The following CD5 variants were observed in gnomAD, a reference collection of about 807,000 sequenced individuals.
The protein encoded by CD5 is CD5 molecule.
CD5 carries 36 observed loss-of-function variants against 60.3 expected under a neutral mutation model. The ratio of observed to expected loss-of-function variants is 0.60; its 90% CI spans 0.46 to 0.79. The LOEUF (loss-of-function observed/expected upper bound fraction) is 0.79. CD5 is among the 30% of genes least tolerant of loss of function. The probability of loss-of-function intolerance (pLI) is 0.00; values close to 1 mark genes in which losing one functional copy is unlikely to be tolerated. For synonymous variants in CD5, 230 were observed against 257.6 expected (o/e 0.89, Z 1.03); for missense variants, 540 against 630.6 (o/e 0.86, Z 1.54).
intron 1 of CD5, among the ~76,000 whole-genome samples, chr11:61,113,990 A>T (rs1860897913): frequency 6.6e-6 from 1 of 152,034 alleles, no homozygotes; most frequent in South Asian, 2.1e-4. Flanking sequence ...TCATTTCTCC[A>T]TTCTCTAGAA....
chr11:61,102,854 C>T (rs1461644737), intron 1 of CD5, among the ~76,000 whole-genome samples: 1 of 152,194 alleles, frequency 6.6e-6, no homozygotes, highest in African/African-American at 2.4e-5. Flanking sequence ...TGTTGAGAAC[C>T]CTGCTTTACC....
At chr11:61,123,818 C>T in intron 7 of CD5, 66 bp from the exon 8 acceptor site, 1 of 613,792 alleles carries the variant, frequency 1.6e-6, no homozygotes, top group Non-Finnish European at 2.9e-6. Flanking sequence ...CCCATCCCCA[C>T]CCCTGCCTGC....
chr11:61,126,085 G>A (rs1468954948), intron 10 of CD5, among the ~76,000 whole-genome samples: 1 of 152,252 alleles, frequency 6.6e-6, no homozygotes, highest in African/African-American at 2.4e-5. Context: ...CCATTCGGAA[G>A]GCCACACAGG....
intron 1 of CD5, among the ~76,000 whole-genome samples, chr11:61,105,703 A>G (rs1335471199): frequency 6.6e-6 from 1 of 152,114 alleles, no homozygotes; most frequent in Non-Finnish European, 1.5e-5. Context: ...TTCATCTACA[A>G]ATATTATTGA....
chr11:61,123,817 ACCCCTGCCT>A, intron 7 of CD5, 58 bp from the exon 8 acceptor site: 2 of 213,458 alleles, frequency 9.4e-6, no homozygotes, highest in Non-Finnish European at 8.3e-6. Flanking sequence ...CCCCATCCCC[ACCCCTGCCT>A]GCCCCCACCC....
At chr11:61,096,846 G>A in the CD5 span, among the ~76,000 whole-genome samples, 2 of 152,220 alleles carry the variant, frequency 1.3e-5, no homozygotes, top group Non-Finnish European at 2.9e-5. Context: ...TGTACTCATA[G>A]AAGTTAAGCC....
chr11:61,095,234 C>A, the CD5 span, among the ~76,000 whole-genome samples: 3 of 152,006 alleles, frequency 2.0e-5, no homozygotes, highest in Non-Finnish European at 4.4e-5. Context: ...CCAGAGTAGA[C>A]AAAAGAGGAA....
intron 5 of CD5, among the ~76,000 whole-genome samples, chr11:61,120,334 G>A (rs1861039362): frequency 6.6e-6 from 1 of 152,196 alleles, no homozygotes; most frequent in Admixed American, 6.5e-5. Context: ...AGTCCACACT[G>A]TACTTACCGA....
At chr11:61,119,665 A>T (rs1452701519) in intron 5 of CD5, 90 bp downstream of exon 5, 1 of 875,920 alleles carries the variant, frequency 1.1e-6, no homozygotes, top group East Asian at 2.6e-5. Context: ...ACATGTGTGC[A>T]GCACAGGGCA....
chr11:61,101,912 A>C (rs868133970), upstream of CD5, among the ~76,000 whole-genome samples: 1,564 of 22,336 alleles, frequency 0.07, 26 homozygotes, highest in African/African-American at 0.23. Context: ...CTCTCTCTCT[A>C]CACACACACA....
chr11:61,119,656 CAT>C, intron 5 of CD5, 81 bp downstream of exon 5: 3 of 993,174 alleles, frequency 3.0e-6, no homozygotes, highest in South Asian at 1.5e-5. Flanking sequence ...GGTCAGGGAA[CAT>C]GTGTGCAGCA....
At chr11:61,107,655 G>A (rs1274864175) in intron 1 of CD5, among the ~76,000 whole-genome samples, 2 of 152,200 alleles carry the variant, frequency 1.3e-5, no homozygotes, top group Non-Finnish European at 2.9e-5. Context: ...ATTTTGAATT[G>A]CAGATAAGAG....
chr11:61,116,690 AC>A (rs1860964832), intron 2 of CD5, among the ~76,000 whole-genome samples: 1 of 6,144 alleles, frequency 1.6e-4, no homozygotes, highest in Non-Finnish European at 3.3e-4. Context: ...TACACACACC[AC>A]ATACACACCA....
chr11:61,101,681 G>T (rs976532345), upstream of CD5, among the ~76,000 whole-genome samples: 1 of 145,226 alleles, frequency 6.9e-6, no homozygotes, highest in Admixed American at 6.9e-5. Context: ...TCAACATGGC[G>T]ATCACAATCA....
chr11:61,094,864 C>T, the CD5 span, among the ~76,000 whole-genome samples: 8 of 152,060 alleles, frequency 5.3e-5, no homozygotes, highest in Admixed American at 4.6e-4. Flanking sequence ...GGTTGGCCAT[C>T]GGAAGGAAGC....
chr11:61,110,927 G>C (rs1860846615), intron 1 of CD5, among the ~76,000 whole-genome samples: 1 of 152,198 alleles, frequency 6.6e-6, no homozygotes, highest in Non-Finnish European at 1.5e-5. Context: ...GATAGAGATG[G>C]AAGGAGAGGA....
At chr11:61,113,464 G>A (rs1291570861) in intron 1 of CD5, among the ~76,000 whole-genome samples, 3 of 152,332 alleles carry the variant, frequency 2.0e-5, no homozygotes, top group African/African-American at 2.4e-5. Context: ...CTGCAGACCC[G>A]TGTTCCCTGG....
chr11:61,120,715 G>T (rs550187982), intron 5 of CD5, among the ~76,000 whole-genome samples: 1 of 152,134 alleles, frequency 6.6e-6, no homozygotes, highest in Non-Finnish European at 1.5e-5. Flanking sequence ...CTGCAAGCAC[G>T]CTGGGTACCT....
At chr11:61,114,175 A>G (rs1860901229) in intron 1 of CD5, among the ~76,000 whole-genome samples, 1 of 152,002 alleles carries the variant, frequency 6.6e-6, no homozygotes, top group African/African-American at 2.4e-5. Flanking sequence ...GCTGTGGCAT[A>G]ATCATAGCTC....
Sources: allele counts gnomAD v4.1 joint callset (sites outside exome capture counted in the v4.1 genomes callset), GRCh38; gene constraint gnomAD v4.1.1; transcripts MANE v1.5; gene names NCBI Gene and HGNC (gene_info 2026-07-23, HGNC 2026-07-21).